LCOR: variants seen among roughly 807,000 people sequenced by gnomAD.
LCOR encodes ligand-dependent corepressor.
LCOR carries 14 observed loss-of-function variants against 64.4 expected under a neutral mutation model. The ratio of observed to expected loss-of-function variants is 0.22; its 90% CI spans 0.14 to 0.34. The LOEUF is 0.34. Ranked by LOEUF, LCOR falls within the 10% of genes least tolerant of loss-of-function variation. The pLI is 1.00. For synonymous variants in LCOR, 643 were observed against 642.5 expected, an observed-to-expected ratio of 1.00 and a Z score of -0.01; for missense variants, 1,686 against 1,765.3, an observed-to-expected ratio of 0.96 and a Z score of 0.80.
In LCOR at chr10:96,949,095, C is replaced by A. The variant is rs1351055127; in HGVS notation, c.38C>A (p.Thr13Asn). The A allele has an allele frequency of 6.2e-7, 1 of 1,613,840 alleles. No individual in the cohort carries two copies. The highest frequency in any genetic ancestry group is 1.7e-5 in the Admixed American group (1 of 59,978). The change falls in exon 6 of 8, where the codon ACC (threonine) becomes AAC (asparagine). Residue 13 changes from threonine to asparagine, a missense_variant. Thr to Asn is a moderately conservative substitution (Grantham distance 65). Transcript: ENST00000421806. ...RMIQQFAAEYTSKNSSTQDPS... is the reference protein window; with the variant it reads ...RMIQQFAAEYNSKNSSTQDPS... Reference sequence around the variant, plus strand: ...ATCCAACAATTTGCTGCTGAATATACCTCAAAAAATAGCTCTACTCAGGAC... The same window carrying A: ...ATCCAACAATTTGCTGCTGAATATAACTCAAAAAATAGCTCTACTCAGGAC...
At chr10:96,943,070 C>CG (rs1351619424) in intron 4 of LCOR, among the ~76,000 whole-genome samples, 1 of 150,090 alleles carries the variant, frequency 6.7e-6, no homozygotes, top group Non-Finnish European at 1.5e-5. Flanking sequence ...CATATTGGAA[C>CG]TTTTTGGTCA....
intron 4 of LCOR, among the ~76,000 whole-genome samples, chr10:96,936,122 T>C (rs1004863064): frequency 3.9e-5 from 6 of 152,228 alleles, no homozygotes; most frequent in African/African-American, 1.2e-4. Flanking sequence ...CCTCCTGGGG[T>C]TGGAGCAAAC....
At chr10:96,925,040 ATTTATTTATTTAT>A (rs1440830700) in intron 4 of LCOR, among the ~76,000 whole-genome samples, 6 of 151,372 alleles carry the variant, frequency 4.0e-5, no homozygotes, top group Admixed American at 6.6e-5. Flanking sequence ...TCAACCATTT[ATTTATTTATTTAT>A]TTTATTTATT....
intron 4 of LCOR, among the ~76,000 whole-genome samples, chr10:96,941,157 C>T (rs1429425171): frequency 7.0e-6 from 1 of 142,428 alleles, no homozygotes; most frequent in African/African-American, 2.6e-5. Context: ...CGCCCCTCAC[C>T]TCCCGGACAG....
intron 7 of LCOR, among the ~76,000 whole-genome samples, chr10:96,972,587 T>G (rs1441520630): frequency 6.6e-6 from 1 of 152,226 alleles, no homozygotes; most frequent in Non-Finnish European, 1.5e-5. Flanking sequence ...CATGAGAATC[T>G]TCTTGATAGT....
intron 4 of LCOR, among the ~76,000 whole-genome samples, chr10:96,921,830 C>G (rs1183146213): frequency 6.6e-6 from 1 of 152,190 alleles, no homozygotes; most frequent in Non-Finnish European, 1.5e-5. Context: ...AATTGTTTCT[C>G]CCATTGAATC....
rs745737850 is a variant in LCOR at position 96,982,999 on chromosome 10, G to C, written c.2539G>C (p.Val847Leu). 1 of 1,613,348 alleles carries C rather than the reference G, an allele frequency of 6.2e-7. No homozygotes were observed. Among genetic ancestry groups the C allele is most frequent in the Non-Finnish European group, 8.5e-7 (1 of 1,179,810 alleles). ...DSSSACLEIK[V>L]PKNPSAKRSK... ...TTCCTCAGCTTGTCTTGAAATCAAA[G>C]TTCCTAAAAATCCTAGTGCAAAACG... is the stretch of plus-strand genomic sequence containing the variant. Residue 847 changes from valine to leucine, a missense_variant, in exon 8 of 8, where the codon GTT becomes CTT. Transcript: ENST00000421806.
chr10:96,944,987 G>A (rs1349676360), intron 5 of LCOR, among the ~76,000 whole-genome samples: 1 of 152,078 alleles, frequency 6.6e-6, no homozygotes, highest in Non-Finnish European at 1.5e-5. Flanking sequence ...TTCCCTTCAT[G>A]TTCCTTTCTA....
In LCOR at chr10:96,983,655, A is replaced by G. The variant is rs1236204556; in HGVS notation, c.3195A>G (p.Gln1065=). Residue 1065 remains glutamine, a synonymous_variant, in exon 8 of 8, where the codon CAA becomes CAG. Transcript: ENST00000421806. The surrounding 1 kb of genome is among the most constrained non-coding windows in gnomAD (Gnocchi z 4.5). ...TGACTTCAGAAAAGGAAGCTGCACA[A>G]GTAAACCCCATAATGCCAAAGGAAA... is the stretch of plus-strand genomic sequence containing the variant. ...SKVTSEKEAA[Q]VNPIMPKENG... is the part of the protein sequence containing the mutation. 9.3e-6 allele frequency: 15 copies of G among 1,614,088 alleles called. No homozygotes were observed. Among genetic ancestry groups the G allele is most frequent in the Non-Finnish European group, 1.3e-5 (15 of 1,180,038 alleles).
At chr10:96,857,487 G>A (rs1221949196) in intron 2 of LCOR, among the ~76,000 whole-genome samples, 4 of 151,990 alleles carry the variant, frequency 2.6e-5, no homozygotes, top group Non-Finnish European at 5.9e-5. Context: ...GTGTATTCTT[G>A]GTCGACCCCT....
chr10:96,978,649 AC>A (rs758404395), intron 7 of LCOR, among the ~76,000 whole-genome samples: 8 of 152,226 alleles, frequency 5.3e-5, no homozygotes, highest in Non-Finnish European at 8.8e-5. Flanking sequence ...CCATGGCACT[AC>A]CGACTAAAAC....
chr10:96,878,565 G>C (rs1250157659), intron 2 of LCOR, among the ~76,000 whole-genome samples: 1 of 152,128 alleles, frequency 6.6e-6, no homozygotes. Flanking sequence ...GGAGGAGACT[G>C]GGTGGCACAG....
intron 4 of LCOR, among the ~76,000 whole-genome samples, chr10:96,912,607 T>TCTTCCTTTCTTCCTTCCTTCCTTC (rs1554836476): frequency 1.4e-5 from 2 of 140,394 alleles, no homozygotes; most frequent in African/African-American, 2.9e-5. Context: ...TTTCTTCCTT[T>TCTTCCTTTCTTCCTTCCTTCCTTC]CTTCCTTCCT....
intron 7 of LCOR, chr10:96,958,164 A>G: frequency 7.9e-7 from 1 of 1,266,738 alleles, no homozygotes; most frequent in Non-Finnish European, 1.0e-6. Context: ...CAGGATTGCT[A>G]CAAAAAGGTC....
At chr10:96,956,565 TG>T (rs1182256775) in intron 7 of LCOR, 1 of 985,684 alleles carries the variant, frequency 1.0e-6, no homozygotes, top group African/African-American at 1.7e-5. Context: ...AAGCTATTAG[TG>T]CTCACCCAGA....
intron 2 of LCOR, among the ~76,000 whole-genome samples, chr10:96,834,006 G>T (rs958403430): frequency 6.6e-6 from 1 of 152,172 alleles, no homozygotes; most frequent in East Asian, 1.9e-4. Context: ...CTTGACAGGA[G>T]GGTCTGCCCT....
intron 2 of LCOR, 71 bp downstream of exon 2, chr10:96,833,550 C>T (rs1845385684): frequency 1.7e-6 from 1 of 594,728 alleles, no homozygotes; most frequent in Non-Finnish European, 2.1e-6. Context: ...GTGTCTGACT[C>T]TCCTGTCCTC....
intron 2 of LCOR, among the ~76,000 whole-genome samples, chr10:96,881,813 TTA>T (rs1481540071): frequency 6.6e-6 from 1 of 152,216 alleles, no homozygotes; most frequent in Non-Finnish European, 1.5e-5. Context: ...CCATGATATT[TTA>T]TAGATTGTTG....
chr10:96,977,889 T>G (rs1283489383), intron 7 of LCOR, among the ~76,000 whole-genome samples: 2 of 152,178 alleles, frequency 1.3e-5, no homozygotes, highest in African/African-American at 4.8e-5. Flanking sequence ...CTGACAGTAG[T>G]GGTAGCTGAT....
Sources: allele counts gnomAD v4.1 joint callset (sites outside exome capture counted in the v4.1 genomes callset), GRCh38; gene constraint gnomAD v4.1.1; non-coding constraint Gnocchi (gnomAD v3.1); transcripts MANE v1.5; gene names NCBI Gene and HGNC (gene_info 2026-07-23, HGNC 2026-07-21).